The following PPFIA1 variants were observed in gnomAD, a reference collection of about 807,000 sequenced individuals.
The protein encoded by PPFIA1 is PPFI scaffold protein A1.
A neutral mutation model predicts 149.9 loss-of-function variants in PPFIA1; 25 were observed. That is an observed-to-expected ratio of 0.17 (90% CI 0.12 to 0.23). The LOEUF is 0.23. Ranked by LOEUF, PPFIA1 falls within the 10% of genes least tolerant of loss-of-function variation. PPFIA1 has a pLI of 1.00. For synonymous variants in PPFIA1, 549 were observed against 552.8 expected, an observed-to-expected ratio of 0.99 and a Z score of 0.10; for missense variants, 1,362 against 1,506.5, an observed-to-expected ratio of 0.90 and a Z score of 1.59.
intron 19 of PPFIA1, among the ~76,000 whole-genome samples, chr11:70,360,141 T>A (rs1189820098): frequency 6.6e-6 from 1 of 152,252 alleles, no homozygotes; most frequent in African/African-American, 2.4e-5. Flanking sequence ...CTGTGACTCT[T>A]AGACACATCC....
chr11:70,270,920 GGA>G lies in PPFIA1; in HGVS notation c.-1+8_-1+9del, dbSNP rs1457955243. 4 of 151,554 alleles carry G rather than the reference GGA, an allele frequency of 2.6e-5. No individual in the cohort carries two copies. The highest frequency in any genetic ancestry group is 9.7e-5 in the African/African-American group (4 of 41,386). 9.4% of individuals were successfully genotyped at this position (151,554 alleles called of 1,614,324 possible). A position where few individuals can be genotyped will look rare whatever the true frequency, so the allele number is the denominator to read the frequency against. On this transcript the variant is annotated splice_region_variant and intron_variant, in intron 1 of 27. Transcript: ENST00000253925. ...CGCTCCCGCCGGCGAGCAAGGTAAGGGAGCGGGACACTGAGGCAGGCTCGGGG... is the reference window on the plus strand; with the variant it reads ...CGCTCCCGCCGGCGAGCAAGGTAAGGGCGGGACACTGAGGCAGGCTCGGGG...
At chr11:70,278,003 C>T (rs543278761) in intron 2 of PPFIA1, among the ~76,000 whole-genome samples, 14 of 152,140 alleles carry the variant, frequency 9.2e-5, no homozygotes, top group Non-Finnish European at 8.8e-5. Flanking sequence ...CACCGCCTCC[C>T]GGGTTCAAGC....
At position 70,359,482 on chromosome 11, in the gene PPFIA1, G is replaced by A. The variant is rs12787221; in HGVS notation, c.2583-2613G>A. On this transcript the variant is annotated intron_variant, in intron 19 of 27. Coordinates refer to ENST00000253925, the MANE Select transcript of PPFIA1 (RefSeq NM_003626.5). ...TTGTGGTGGTGGTGTTTTTTTATGGGTTTTGGAGAGGGTCCTGCTCTGTCA... is the reference window on the plus strand; with the variant it reads ...TTGTGGTGGTGGTGTTTTTTTATGGATTTTGGAGAGGGTCCTGCTCTGTCA... Among the ~76,000 whole-genome samples, 776 of 152,252 alleles carry A rather than the reference G, an allele frequency of 5.1e-3. 4 individuals are homozygous for A. Among genetic ancestry groups the A allele is most frequent in the Non-Finnish European group, 9.5e-3 (643 of 68,020 alleles).
intron 2 of PPFIA1, among the ~76,000 whole-genome samples, chr11:70,312,014 T>A (rs1015135384): frequency 3.3e-5 from 5 of 151,680 alleles, no homozygotes; most frequent in Non-Finnish European, 7.4e-5. Flanking sequence ...GGCTATTTTC[T>A]ATATTTCTAT....
At chr11:70,345,494 A>T (rs533532167) in intron 15 of PPFIA1, among the ~76,000 whole-genome samples, 1 of 152,176 alleles carries the variant, frequency 6.6e-6, no homozygotes, top group East Asian at 1.9e-4. Context: ...CCAGGGTGAG[A>T]AGGAAAGACA....
intron 19 of PPFIA1, among the ~76,000 whole-genome samples, chr11:70,361,650 CTG>C (rs1330320121): frequency 1.3e-5 from 2 of 150,718 alleles, no homozygotes; most frequent in Non-Finnish European, 3.0e-5. Flanking sequence ...GGGTCTCACT[CTG>C]TTGCCTAGGC....
intron 2 of PPFIA1, among the ~76,000 whole-genome samples, chr11:70,295,154 C>T (rs563168902): frequency 2.6e-4 from 40 of 151,694 alleles, no homozygotes; most frequent in Non-Finnish European, 4.4e-4. Context: ...CTCCTCACCT[C>T]CTGGGTGGGG....
At chr11:70,283,148 G>A (rs150225858) in intron 2 of PPFIA1, among the ~76,000 whole-genome samples, 2 of 151,416 alleles carry the variant, frequency 1.3e-5, no homozygotes, top group Non-Finnish European at 2.9e-5. Flanking sequence ...CCGACTGACC[G>A]AGTGCTTTTT....
chr11:70,275,860 G>A (rs959685921), intron 2 of PPFIA1, among the ~76,000 whole-genome samples: 22 of 152,172 alleles, frequency 1.4e-4, no homozygotes, highest in Non-Finnish European at 1.2e-4. Context: ...CGGTTGCCCA[G>A]ACTAGTCTCC....
intron 19 of PPFIA1, among the ~76,000 whole-genome samples, chr11:70,357,797 C>T (rs941139508): frequency 6.6e-6 from 1 of 152,120 alleles, no homozygotes; most frequent in Non-Finnish European, 1.5e-5. Context: ...CCATGTTAGC[C>T]AGGATGGTCT....
At chr11:70,318,452 C>G (rs1482685449) in intron 2 of PPFIA1, among the ~76,000 whole-genome samples, 1 of 152,208 alleles carries the variant, frequency 6.6e-6, no homozygotes, top group Non-Finnish European at 1.5e-5. Context: ...CTTGACTTAC[C>G]TGCTTTCAGC....
intron 2 of PPFIA1, among the ~76,000 whole-genome samples, chr11:70,292,604 T>C (rs678575): frequency 0.91 from 139,243 of 152,266 alleles, 63,894 homozygotes; most frequent in East Asian, 1. Flanking sequence ...GCTGGGTATA[T>C]GGATGTTTGG....
intron 19 of PPFIA1, among the ~76,000 whole-genome samples, chr11:70,357,018 C>T (rs1025536126): frequency 6.6e-6 from 1 of 152,092 alleles, no homozygotes; most frequent in East Asian, 1.9e-4. Flanking sequence ...TTCTGGGATG[C>T]GGGGTGAGTT....
At chr11:70,317,866 G>A (rs906156861) in intron 2 of PPFIA1, among the ~76,000 whole-genome samples, 2 of 152,126 alleles carry the variant, frequency 1.3e-5, no homozygotes, top group Admixed American at 6.5e-5. Context: ...CTTTGACTAG[G>A]GCTTTCATTT....
intron 26 of PPFIA1, 123 bp downstream of exon 26, chr11:70,378,318 A>G: frequency 1.5e-6 from 2 of 1,364,458 alleles, no homozygotes. Context: ...GTATGGTTGC[A>G]TGTCCAAATA....
At chr11:70,275,105 A>G (rs1028979185) in intron 2 of PPFIA1, among the ~76,000 whole-genome samples, 15 of 152,184 alleles carry the variant, frequency 9.9e-5, no homozygotes, top group Non-Finnish European at 1.6e-4. Context: ...AGCACTTGGT[A>G]TTGTTGGGTC....
chr11:70,328,267 GT>G (rs2054443893), intron 7 of PPFIA1, among the ~76,000 whole-genome samples: 1 of 151,956 alleles, frequency 6.6e-6, no homozygotes, highest in South Asian at 2.1e-4. Context: ...AGTGTGTGTT[GT>G]TCCCCTCTGT....
At chr11:70,296,527 C>G (rs954167164) in intron 2 of PPFIA1, among the ~76,000 whole-genome samples, 1 of 152,048 alleles carries the variant, frequency 6.6e-6, no homozygotes, top group African/African-American at 2.4e-5. Flanking sequence ...CAAAAAAATA[C>G]GAAAACCAGT....
At chr11:70,380,725 A>G (rs2057680059) in intron 26 of PPFIA1, among the ~76,000 whole-genome samples, 1 of 149,080 alleles carries the variant, frequency 6.7e-6, no homozygotes, top group Non-Finnish European at 1.5e-5. Context: ...ACAAGAGCAA[A>G]ACTCTGTCTC....
Sources: allele counts gnomAD v4.1 joint callset (sites outside exome capture counted in the v4.1 genomes callset), GRCh38; gene constraint gnomAD v4.1.1; transcripts MANE v1.5; gene names NCBI Gene and HGNC (gene_info 2026-07-23, HGNC 2026-07-21).